Variants in LYVE1 observed in about 807,000 individuals in gnomAD.
The protein encoded by LYVE1 is lymphatic vessel endothelial hyaluronan receptor 1.
A neutral mutation model predicts 31.5 loss-of-function variants in LYVE1; 29 were observed. That is an observed-to-expected ratio of 0.92 (90% CI 0.69 to 1.26). The LOEUF (loss-of-function observed/expected upper bound fraction) is 1.26, where lower values mean the gene tolerates loss of function less well. Among genes scored for constraint, LYVE1 ranks in the 50% most tolerant of loss-of-function variants. The probability of loss-of-function intolerance (pLI) is 0.00; values close to 1 mark genes in which losing one functional copy is unlikely to be tolerated. For synonymous variants in LYVE1, 134 were observed against 139.4 expected (o/e 0.96, Z 0.27); for missense variants, 376 against 380.2 (o/e 0.99, Z 0.09).
chr11:10,568,448 CTT>C lies in LYVE1; in HGVS notation c.83_84del (p.Glu28GlyfsTer30). The C allele has an allele frequency of 6.2e-7, 1 of 1,613,784 alleles. No individual in the cohort carries two copies. Among genetic ancestry groups the C allele is most frequent in the Non-Finnish European group, 8.5e-7 (1 of 1,179,798 alleles). On this transcript the variant is annotated frameshift_variant and splice_region_variant, in exon 1 of 6. Coordinates refer to ENST00000256178, the MANE Select transcript of LYVE1 (RefSeq NM_006691.4). LOFTEE classifies it high-confidence loss of function. ...RLLVQGSLRA[E>X]ELSIQVSCRI... is the part of the protein sequence containing the mutation. ...TTTGGAAATCTGGTGAGAAACCTAC[CTT>C]CTGCACGCAAAGAGCCTTGGACCAG...
chr11:10,558,239 T>A lies in LYVE1; in HGVS notation c.*872A>T, dbSNP rs1850350547. 1 of 152,254 alleles carries A rather than the reference T, an allele frequency of 6.6e-6. No individual in the cohort carries two copies. Among genetic ancestry groups the A allele is most frequent in the South Asian group, 2.1e-4 (1 of 4,832 alleles). The allele number at this position is 152,254 out of a possible 1,614,324, so 9.4% of individuals were successfully genotyped here. The stretch of plus-strand genomic sequence containing the variant: ...CACAGCACTTGACATATAGTAGCTA[T>A]TCAGCAAATGTTTGTTGAATTTTAT... On this transcript the variant is annotated 3_prime_UTR_variant, in exon 6 of 6. Coordinates refer to ENST00000256178, the MANE Select transcript of LYVE1 (RefSeq NM_006691.4).
rs1386430349 is a variant in LYVE1 at position 10,560,444 on chromosome 11, G to A, written c.703+51C>T. ...ACAGGCAGGATTCTATGAATTATCT[G>A]TTATACATGAACATACATACACACG... On this transcript the variant is annotated intron_variant, in intron 4 of 5. Transcript: ENST00000256178. 4 of 1,456,458 alleles carry A rather than the reference G, an allele frequency of 2.7e-6. No individual in the cohort carries two copies. In the East Asian group the frequency reaches 9.6e-5, roughly 35 times the overall value. The allele number at this position is 1,456,458 out of a possible 1,614,324, so 90.2% of individuals were successfully genotyped here.
At chr11:10,565,048 T>A (rs909774342) in intron 1 of LYVE1, among the ~76,000 whole-genome samples, 2 of 152,200 alleles carry the variant, frequency 1.3e-5, no homozygotes, top group Admixed American at 6.5e-5. Flanking sequence ...AGATACTTCA[T>A]CTCTTTAATC....
rs574967327 is a variant in LYVE1, at chr11:10,558,118, G to A, written c.*993C>T. ...AATTAGTTTGGAAGTAGATAAGCTA[G>A]AAATATCAAAACTGAAAAAAATAGC... is the stretch of plus-strand genomic sequence containing the variant. On this transcript the variant is annotated 3_prime_UTR_variant, in exon 6 of 6. Transcript: ENST00000256178. 6.6e-6 allele frequency: 1 copy of A among 152,142 alleles called. No individual in the cohort carries two copies. The highest frequency in any genetic ancestry group is 1.5e-5 in the Non-Finnish European group (1 of 68,008). The allele number at this position is 152,142 out of a possible 1,614,324, so 9.4% of individuals were successfully genotyped here.
Position 10,560,628 on chromosome 11 carries a change from G to A in LYVE1, c.570C>T (p.Ser190=), listed in dbSNP as rs1333153296. 1 of 1,614,122 alleles carries A rather than the reference G, an allele frequency of 6.2e-7. No individual in the cohort carries two copies. The highest frequency in any genetic ancestry group is 1.1e-5 in the South Asian group (1 of 91,070). The change falls in exon 4 of 6, where the codon TCC becomes TCT. Residue 190 remains serine (S), a synonymous_variant. Transcript: ENST00000256178. ...APTTTPPAPA[S]TSIPRRKKLI... ...ATTTTTTTCTCCGTGGAATAGAAGTGGAAGCTGGAGCAGGAGGAGTAGTAG... is the reference window on the plus strand; with the variant it reads ...ATTTTTTTCTCCGTGGAATAGAAGTAGAAGCTGGAGCAGGAGGAGTAGTAG...
chr11:10,563,067 C>G (rs1346295707), intron 3 of LYVE1, among the ~76,000 whole-genome samples: 1 of 148,772 alleles, frequency 6.7e-6, no homozygotes, highest in African/African-American at 2.5e-5. Context: ...CATTCTCCTG[C>G]CTCAGCCTCC....
intron 3 of LYVE1, among the ~76,000 whole-genome samples, chr11:10,562,266 T>C (rs1027297715): frequency 2.6e-5 from 4 of 152,182 alleles, no homozygotes; most frequent in African/African-American, 9.7e-5. Context: ...GGAAGGAAGA[T>C]GGGAAATACA....
At chr11:10,559,643 T>C (rs1226267376) in intron 5 of LYVE1, among the ~76,000 whole-genome samples, 173 bp downstream of exon 5, 1 of 152,086 alleles carries the variant, frequency 6.6e-6, no homozygotes, top group African/African-American at 2.4e-5. Context: ...GACATGCATG[T>C]CCTGAAATAG....
chr11:10,563,289 C>T (rs1184599923), intron 3 of LYVE1, among the ~76,000 whole-genome samples: 1 of 152,030 alleles, frequency 6.6e-6, no homozygotes, highest in Non-Finnish European at 1.5e-5. Flanking sequence ...GATGATAAAG[C>T]ATATCTCATA....
chr11:10,564,814 A>G (rs1007780605), intron 1 of LYVE1, among the ~76,000 whole-genome samples: 2 of 152,294 alleles, frequency 1.3e-5, no homozygotes, highest in Middle Eastern at 6.8e-3. Context: ...GGACACTACT[A>G]TTTGTGAGAT....
intron 4 of LYVE1, among the ~76,000 whole-genome samples, chr11:10,560,097 T>C (rs1231023311): frequency 6.6e-6 from 1 of 152,166 alleles, no homozygotes; most frequent in Non-Finnish European, 1.5e-5. Flanking sequence ...CTCAATTCTA[T>C]CAGTTGCAAT....
In LYVE1 at chr11:10,563,206, C is replaced by T. The variant is rs1850467526; in HGVS notation, c.397+734G>A. 2.0e-5 allele frequency among the ~76,000 whole-genome samples: 3 copies of T among 152,044 alleles called. No homozygotes were observed. In the South Asian group the frequency reaches 6.2e-4, roughly 32 times the overall value. ...CCTTGTGATCTGCCCGCCTCGGCCT[C>T]CCAAAGTGCTGGGATTACAGGCATG... On this transcript the variant is annotated intron_variant, in intron 3 of 5. Coordinates refer to ENST00000256178, the MANE Select transcript of LYVE1 (RefSeq NM_006691.4).
In LYVE1 at chr11:10,567,141, A is replaced by AACG. The variant is rs375628548; in HGVS notation, c.85+1306_85+1307insCGT. Among the ~76,000 whole-genome samples the AACG allele has an allele frequency of 2.5e-3, 388 of 152,336 alleles. 1 individual carries two copies. Among genetic ancestry groups the AACG allele is most frequent in the African/African-American group, 9.0e-3 (376 of 41,584 alleles). On this transcript the variant is annotated intron_variant, in intron 1 of 5. Transcript: ENST00000256178. The stretch of plus-strand genomic sequence containing the variant: ...CATTGGGCAAGTCACTTCACCTATA[A>AACG]ACTGTCTTTTTGAGAGGATTAAATG...
Position 10,559,046 on chromosome 11 carries a change from G to A in LYVE1, c.*65C>T. The A allele has an allele frequency of 6.8e-7, 1 of 1,465,260 alleles. No homozygotes were observed. Among genetic ancestry groups the A allele is most frequent in the Non-Finnish European group, 9.3e-7 (1 of 1,074,022 alleles). 90.8% of individuals were successfully genotyped at this position (1,465,260 alleles called of 1,614,324 possible). A position where few individuals can be genotyped will look rare whatever the true frequency, so the allele number is the denominator to read the frequency against. ...TTCTTTGGCCCTTTTGATTTCCCCA[G>A]CTGGGGCAGGGTAAGGAGCATGAAA... On this transcript the variant is annotated 3_prime_UTR_variant, in exon 6 of 6. Coordinates refer to ENST00000256178, the MANE Select transcript of LYVE1 (RefSeq NM_006691.4).
chr11:10,559,743 C>G (rs1175526006), intron 5 of LYVE1, 73 bp downstream of exon 5: 24 of 1,368,616 alleles, frequency 1.8e-5, no homozygotes, highest in Non-Finnish European at 2.3e-5. Context: ...AAAATGCCAA[C>G]AGTGACCCTG....
chr11:10,562,908 C>T (rs1048842220), intron 3 of LYVE1, among the ~76,000 whole-genome samples: 3 of 148,200 alleles, frequency 2.0e-5, no homozygotes, highest in Middle Eastern at 3.3e-3. Context: ...AGTAATGAGA[C>T]GTTAGACAAA....
chr11:10,564,971 G>C (rs1850506684), intron 1 of LYVE1, among the ~76,000 whole-genome samples: 1 of 152,192 alleles, frequency 6.6e-6, no homozygotes, highest in African/African-American at 2.4e-5. Context: ...GAAGAAAGCA[G>C]AATTTTAGAG....
intron 3 of LYVE1, among the ~76,000 whole-genome samples, chr11:10,561,258 G>A (rs1019570940): frequency 1.3e-5 from 2 of 152,314 alleles, no homozygotes; most frequent in Admixed American, 1.3e-4. Context: ...CCTTGTCACA[G>A]TTCTCATTAC....
intron 4 of LYVE1, among the ~76,000 whole-genome samples, chr11:10,560,244 T>G (rs1410662581): frequency 6.6e-6 from 1 of 152,248 alleles, no homozygotes. Context: ...TAGGAACAGA[T>G]AGTGATTTAT....
Sources: allele counts gnomAD v4.1 joint callset (sites outside exome capture counted in the v4.1 genomes callset), GRCh38; gene constraint gnomAD v4.1.1; transcripts MANE v1.5; gene names NCBI Gene and HGNC (gene_info 2026-07-23, HGNC 2026-07-21).